The following C3orf70 variants were observed in gnomAD, a reference collection of about 807,000 sequenced individuals.
C3orf70 encodes chromosome 3 open reading frame 70.
In C3orf70, 15 loss-of-function variants were observed where a neutral mutation model predicts 20.7. The observed-to-expected ratio is 0.72, with a 90% CI of 0.48 to 1.11. The LOEUF (loss-of-function observed/expected upper bound fraction) is 1.11. Ranked by LOEUF, C3orf70 falls within the 50% of genes most tolerant of loss-of-function variation. The pLI is 0.00. For synonymous variants in C3orf70, 161 were observed against 125.7 expected, an observed-to-expected ratio of 1.28 and a Z score of -1.88; for missense variants, 332 against 317.6, an observed-to-expected ratio of 1.05 and a Z score of -0.34.
intron 1 of C3orf70, among the ~76,000 whole-genome samples, chr3:185,120,033 A>AAAAAAAAAAGAAAAAGAAAG (rs55921240): frequency 5.8e-4 from 58 of 100,734 alleles, no homozygotes; most frequent in African/African-American, 1.2e-3. Context: ...AAAAAAAAAA[A>AAAAAAAAAAGAAAAAGAAAG]AAAAAGAAAA....
At chr3:185,127,761 C>T (rs754655910) in intron 1 of C3orf70, among the ~76,000 whole-genome samples, 6 of 151,880 alleles carry the variant, frequency 4.0e-5, no homozygotes, top group Non-Finnish European at 7.4e-5. Context: ...TTTTAATGTC[C>T]GAGTAAACCG....
chr3:185,103,764 G>A (rs1463557700), intron 1 of C3orf70, among the ~76,000 whole-genome samples: 2 of 152,154 alleles, frequency 1.3e-5, no homozygotes, highest in African/African-American at 4.8e-5. Context: ...AGCAGCCTGG[G>A]GAAAACTCAG....
At chr3:185,124,821 T>C (rs963385229) in intron 1 of C3orf70, among the ~76,000 whole-genome samples, 1 of 152,132 alleles carries the variant, frequency 6.6e-6, no homozygotes, top group Non-Finnish European at 1.5e-5. Flanking sequence ...TAAAAAAAAT[T>C]AAAAAGTTTT....
rs1715841287 is a variant in C3orf70, at chr3:185,102,430, A to G, written c.197-18867T>C. 2.0e-5 allele frequency among the ~76,000 whole-genome samples: 3 copies of G among 152,346 alleles called. No homozygotes were observed. The South Asian group carries it at 6.2e-4, about 32-fold the overall frequency. ...AGAGATGACACAAACAAATGGGAAA[A>G]CATTCCATGCTTGTTATTAGAAAGA... is the stretch of plus-strand genomic sequence containing the variant. On this transcript the variant is annotated intron_variant, in intron 1 of 1. Coordinates refer to ENST00000335012, the MANE Select transcript of C3orf70 (RefSeq NM_001025266.3).
At chr3:185,145,342 C>A (rs2072502271) in intron 1 of C3orf70, among the ~76,000 whole-genome samples, 1 of 152,210 alleles carries the variant, frequency 6.6e-6, no homozygotes, top group South Asian at 2.1e-4. Context: ...GTATACAATT[C>A]TAAAAACGGC....
intron 1 of C3orf70, among the ~76,000 whole-genome samples, chr3:185,132,263 T>C (rs192606627): frequency 5.9e-5 from 9 of 152,238 alleles, no homozygotes; most frequent in African/African-American, 1.4e-4. Context: ...GATTCAAATA[T>C]TGGAACTATC....
At chr3:185,144,881 A>C (rs980096132) in intron 1 of C3orf70, among the ~76,000 whole-genome samples, 9 of 152,226 alleles carry the variant, frequency 5.9e-5, no homozygotes, top group African/African-American at 2.2e-4. Flanking sequence ...AACTGGGACT[A>C]TAGGCACCCA....
intron 1 of C3orf70, among the ~76,000 whole-genome samples, chr3:185,100,918 C>T (rs1224649079): frequency 6.6e-6 from 1 of 152,066 alleles, no homozygotes; most frequent in African/African-American, 2.4e-5. Flanking sequence ...CCTCTACACA[C>T]ATAAACTAGA....
intron 1 of C3orf70, among the ~76,000 whole-genome samples, chr3:185,098,535 T>C (rs2132240): frequency 0.6 from 91,235 of 152,026 alleles, 27,916 homozygotes; most frequent in Non-Finnish European, 0.68. Flanking sequence ...AGAAAATCTA[T>C]AGTTTTCCCA....
intron 1 of C3orf70, among the ~76,000 whole-genome samples, chr3:185,121,734 T>C (rs1171496219): frequency 6.6e-6 from 1 of 152,030 alleles, no homozygotes; most frequent in Non-Finnish European, 1.5e-5. Flanking sequence ...TCAGACTGTA[T>C]AAAAAAGCAA....
chr3:185,136,760 A>C (rs570097214), intron 1 of C3orf70, among the ~76,000 whole-genome samples: 1 of 143,236 alleles, frequency 7.0e-6, no homozygotes, highest in South Asian at 2.3e-4. Flanking sequence ...AAACCCACAA[A>C]AATTAGCCGG....
chr3:185,084,729 T>C (rs1715424332), intron 1 of C3orf70, among the ~76,000 whole-genome samples: 1 of 152,230 alleles, frequency 6.6e-6, no homozygotes, highest in African/African-American at 2.4e-5. Flanking sequence ...TCATCCCATT[T>C]TTCATTCAAC....
intron 1 of C3orf70, among the ~76,000 whole-genome samples, chr3:185,135,509 G>A (rs572541016): frequency 6.6e-6 from 1 of 152,088 alleles, no homozygotes; most frequent in Admixed American, 6.6e-5. Context: ...ATGTGGGGAG[G>A]GGATGAATAG....
intron 1 of C3orf70, among the ~76,000 whole-genome samples, chr3:185,113,285 C>CAAAAAGAA (rs1716110144): frequency 7.2e-6 from 1 of 138,502 alleles, no homozygotes; most frequent in South Asian, 2.2e-4. Flanking sequence ...CTAAAAAATA[C>CAAAAAGAA]AAAAAAGAAA....
At chr3:185,149,412 A>C (rs1030670113) in intron 1 of C3orf70, among the ~76,000 whole-genome samples, 11 of 151,392 alleles carry the variant, frequency 7.3e-5, no homozygotes, top group African/African-American at 2.4e-4. Flanking sequence ...AAAAAAAAAA[A>C]CAGTAAATAC....
chr3:185,136,725 A>AAAAAC (rs762291750), intron 1 of C3orf70, among the ~76,000 whole-genome samples: 19 of 151,810 alleles, frequency 1.3e-4, no homozygotes, highest in South Asian at 2.1e-4. Context: ...ACTCTGTCTC[A>AAAAAC]AAAACAAAAC....
In C3orf70 at chr3:185,081,705, T is replaced by G. The variant is rs1434586348; in HGVS notation, c.*1302A>C. Reference sequence around the variant, plus strand: ...TGAAGAGAGCTAAATAAGAAAGAATTAGTCACTATTTTGTGCATGTGAGGG... The same window carrying G: ...TGAAGAGAGCTAAATAAGAAAGAATGAGTCACTATTTTGTGCATGTGAGGG... On this transcript the variant is annotated 3_prime_UTR_variant, in exon 2 of 2. Coordinates refer to ENST00000335012, the MANE Select transcript of C3orf70 (RefSeq NM_001025266.3). 1 of 152,620 alleles carries G rather than the reference T, an allele frequency of 6.6e-6. No homozygotes were observed. The highest frequency in any genetic ancestry group is 2.4e-5 in the African/African-American group (1 of 41,442). 9.5% of individuals were successfully genotyped at this position (152,620 alleles called of 1,614,324 possible). A position where few individuals can be genotyped will look rare whatever the true frequency, so the allele number is the denominator to read the frequency against.
intron 1 of C3orf70, among the ~76,000 whole-genome samples, chr3:185,124,113 T>C (rs751498322): frequency 2.0e-5 from 3 of 152,200 alleles, no homozygotes; most frequent in South Asian, 2.1e-4. Flanking sequence ...TTAGGTATTA[T>C]AAATAATCTA....
chr3:185,106,241 T>C (rs9828745), intron 1 of C3orf70, among the ~76,000 whole-genome samples: 2,650 of 152,174 alleles, frequency 0.017, 23 homozygotes, highest in Non-Finnish European at 0.027. Flanking sequence ...AACAGGGAAA[T>C]ATTATAGCTA....
Sources: gnomAD v4.1 joint callset for allele counts (sites outside exome capture counted in the v4.1 genomes callset) on GRCh38, gnomAD v4.1.1 for gene constraint, MANE v1.5 for transcripts, NCBI Gene and HGNC (gene_info 2026-07-23, HGNC 2026-07-21) for gene names.